The following TECTB variants were observed in gnomAD, a reference collection of about 807,000 sequenced individuals.
TECTB encodes the protein beta-tectorin.
TECTB carries 45 observed loss-of-function variants against 43.3 expected under a neutral mutation model. The observed-to-expected ratio is 1.04, with a 90% CI of 0.82 to 1.33. The LOEUF (loss-of-function observed/expected upper bound fraction) is 1.33, where lower values mean the gene tolerates loss of function less well. Among genes scored for constraint, TECTB ranks in the 40% most tolerant of loss-of-function variants. TECTB has a pLI of 0.00. For synonymous variants in TECTB, 169 were observed against 156.7 expected (o/e 1.08, Z -0.59); for missense variants, 399 against 404.7 (o/e 0.99, Z 0.12).
intron 3 of TECTB, among the ~76,000 whole-genome samples, chr10:112,285,412 G>A (rs1480451280): frequency 6.6e-6 from 1 of 152,178 alleles, no homozygotes; most frequent in Admixed American, 6.5e-5. Flanking sequence ...AGAGCAAAGA[G>A]CTTCCAGGGC....
At chr10:112,297,874 A>C (rs1848562507) in intron 7 of TECTB, among the ~76,000 whole-genome samples, 195 bp from the exon 8 acceptor site, 1 of 152,204 alleles carries the variant, frequency 6.6e-6, no homozygotes, top group Non-Finnish European at 1.5e-5. Context: ...TAGAATGAGG[A>C]CAGTAATACC....
rs777846189 is a variant in TECTB at position 112,284,664 on chromosome 10, A to T, written c.206A>T (p.Tyr69Phe). The stretch of plus-strand genomic sequence containing the variant: ...AATGGGGTCCACGAAGGAGGTTACT[A>T]CCAATTTGTGATCCCAGATTTATCA... The part of the protein sequence containing the change: ...CYNGVHEGGY[Y>F]QFVIPDLSPK... Residue 69 changes from tyrosine (Y) to phenylalanine (F), a missense_variant, in exon 3 of 11, where the codon TAC (tyrosine) becomes TTC (phenylalanine). Coordinates refer to ENST00000646139, the MANE Select transcript of TECTB (RefSeq NM_058222.3). 17 of 1,613,138 alleles carry T rather than the reference A, an allele frequency of 1.1e-5. 1 individual carries two copies. The South Asian group carries it at 1.8e-4, about 17-fold the overall frequency.
chr10:112,300,432 C>T lies in TECTB; in HGVS notation c.907+868C>T, dbSNP rs371589262. ...AACCTTTACTGAGTATCCAGCACTG[C>T]CTGGCCTGGCAGGGCACTAGGATTT... On this transcript the variant is annotated intron_variant, in intron 9 of 10. Transcript: ENST00000646139. Among the ~76,000 whole-genome samples the T allele has an allele frequency of 1.3e-3, 192 of 152,232 alleles. 6 individuals are homozygous for T. In the South Asian group the frequency reaches 0.036, roughly 28 times the overall value.
intron 8 of TECTB, among the ~76,000 whole-genome samples, chr10:112,299,194 T>C (rs995476167): frequency 1.3e-5 from 2 of 152,214 alleles, no homozygotes; most frequent in African/African-American, 4.8e-5. Context: ...AGAAGCCTTA[T>C]CAAAGGAAAT....
rs770882080 is a variant in TECTB at position 112,303,274 on chromosome 10, C to T, written c.952C>T (p.His318Tyr). 3.7e-6 allele frequency: 6 copies of T among 1,614,146 alleles called. No individual in the cohort carries two copies. In the South Asian group the frequency reaches 4.4e-5, roughly 12 times the overall value. ...CTTCTGGTCCACAGATGTTCTCCAC[C>T]ACCTCATCATGATGTTGGGGATTTG... ...SLYSFSDVLH[H>Y]LIMMLGICAV... The change falls in exon 11 of 11, where the codon CAC becomes TAC. Residue 318 changes from histidine to tyrosine, a missense_variant. By Grantham distance (83) the His-to-Tyr change is moderately conservative. Coordinates refer to ENST00000646139, the MANE Select transcript of TECTB (RefSeq NM_058222.3).
intron 5 of TECTB, among the ~76,000 whole-genome samples, chr10:112,286,864 G>T (rs1848459024): frequency 6.6e-6 from 1 of 152,208 alleles, no homozygotes; most frequent in African/African-American, 2.4e-5. Flanking sequence ...GGAGGTTGCA[G>T]TGAGCCAAGA....
chr10:112,296,439 C>G (rs1848547455), intron 7 of TECTB, among the ~76,000 whole-genome samples: 1 of 152,140 alleles, frequency 6.6e-6, no homozygotes, highest in African/African-American at 2.4e-5. Flanking sequence ...GCCTCCTCCC[C>G]ACCCCCTGAC....
At chr10:112,291,866 G>C (rs1848501990) in intron 5 of TECTB, among the ~76,000 whole-genome samples, 2 of 152,228 alleles carry the variant, frequency 1.3e-5, no homozygotes, top group South Asian at 4.1e-4. Context: ...GCTGGGCGCA[G>C]TGGCTCACGC....
At chr10:112,303,117 C>A in intron 10 of TECTB, 146 bp from the exon 11 acceptor site, 1 of 897,370 alleles carries the variant, frequency 1.1e-6, no homozygotes, top group Non-Finnish European at 1.8e-6. Flanking sequence ...ATGTGAGCTA[C>A]AGAATCCCCA....
At chr10:112,293,108 T>C (rs4348828) in intron 5 of TECTB, among the ~76,000 whole-genome samples, 5,585 of 152,352 alleles carry the variant, frequency 0.037, 148 homozygotes, top group South Asian at 0.059. Flanking sequence ...TTACATATTA[T>C]ATCATTTACT....
At chr10:112,291,231 C>G (rs1848496551) in intron 5 of TECTB, among the ~76,000 whole-genome samples, 1 of 152,002 alleles carries the variant, frequency 6.6e-6, no homozygotes, top group African/African-American at 2.4e-5. Flanking sequence ...TCAGCTCCCA[C>G]TTATAAGTGA....
chr10:112,293,701 A>G (rs1848519390), intron 5 of TECTB, 37 bp from the exon 6 acceptor site: 3 of 1,585,188 alleles, frequency 1.9e-6, no homozygotes, highest in Non-Finnish European at 2.6e-6. Context: ...GCTCAATCTG[A>G]GAGTTCATAA....
rs1003848949 is a variant in TECTB at position 112,299,493 on chromosome 10, C to T, written c.836C>T (p.Thr279Ile). 8 of 1,614,100 alleles carry T rather than the reference C, an allele frequency of 5.0e-6. No individual in the cohort carries two copies. In the African/African-American group the frequency reaches 8.0e-5, roughly 16 times the overall value. ...CDSEKLSCPVTCDKRKRLLRD... is the reference protein window; with the variant it reads ...CDSEKLSCPVICDKRKRLLRD... ...CTGTCTGCCTCTCTGGGTCTTCAGA[C>T]CTGCGATAAACGGAAGCGCCTCCTG... The change falls in exon 9 of 11, where the codon ACC (threonine) becomes ATC (isoleucine). Residue 279 changes from threonine to isoleucine, a missense_variant and splice_region_variant. Thr to Ile is a moderately conservative substitution (Grantham distance 89). Transcript: ENST00000646139.
intron 8 of TECTB, among the ~76,000 whole-genome samples, chr10:112,298,701 A>C (rs1286148668): frequency 1.3e-5 from 2 of 152,176 alleles, no homozygotes; most frequent in African/African-American, 4.8e-5. Flanking sequence ...CTTCAGAGAG[A>C]TGCTGCAGAA....
chr10:112,285,943 G>A (rs7091455), intron 3 of TECTB, 128 bp from the exon 4 acceptor site: 94,560 of 1,210,606 alleles, frequency 0.078, 4,064 homozygotes, highest in Middle Eastern at 0.086. Flanking sequence ...GGATGCCACC[G>A]TCAGTGGCAG....
Position 112,298,210 on chromosome 10 carries a change from T to C in TECTB, c.813T>C (p.Ser271=). 2 of 1,614,052 alleles carry C rather than the reference T, an allele frequency of 1.2e-6. No individual in the cohort carries two copies. The highest frequency in any genetic ancestry group is 1.1e-5 in the South Asian group (1 of 91,030). Residue 271 remains serine, a synonymous_variant, in exon 8 of 11, where the codon AGT becomes AGC. Transcript: ENST00000646139. ...ACTGTGAGACGTTCATCTGCGACAG[T>C]GAGAAACTCTCCTGCCCAGTGGTGA... The part of the protein sequence containing the change: ...WLHCETFICD[S]EKLSCPVTCD...
At chr10:112,302,983 T>C (rs973605576) in intron 10 of TECTB, 1 of 445,134 alleles carries the variant, frequency 2.2e-6, no homozygotes, top group African/African-American at 1.9e-5. Flanking sequence ...AAAATTCCAA[T>C]CCTAGATTCT....
chr10:112,284,446 T>A, intron 2 of TECTB, 89 bp from the exon 3 acceptor site: 1 of 1,295,724 alleles, frequency 7.7e-7, no homozygotes, highest in Middle Eastern at 2.0e-4. Flanking sequence ...TGCTTTTGCA[T>A]GCTCAGGTGT....
At chr10:112,287,165 T>C (rs562171129) in intron 5 of TECTB, among the ~76,000 whole-genome samples, 29 of 152,268 alleles carry the variant, frequency 1.9e-4, no homozygotes, top group Non-Finnish European at 1.5e-5. Context: ...AAGAGAAGGA[T>C]TGGGGTCGGC....
Sources: allele counts gnomAD v4.1 joint callset (sites outside exome capture counted in the v4.1 genomes callset), GRCh38; gene constraint gnomAD v4.1.1; transcripts MANE v1.5; gene names NCBI Gene and HGNC (gene_info 2026-07-23, HGNC 2026-07-21).